Variants in UBE2W observed in about 807,000 individuals in gnomAD.
UBE2W encodes ubiquitin-conjugating enzyme E2 W.
Under a neutral mutation model 27.2 loss-of-function variants are expected in UBE2W, and 18 were observed. The observed-to-expected ratio is 0.66, with a 90% CI of 0.46 to 0.98. The LOEUF is 0.98. Ranked by LOEUF, UBE2W falls within the 50% of genes least tolerant of loss-of-function variation. The probability of loss-of-function intolerance (pLI) is 0.00; values close to 1 mark genes in which losing one functional copy is unlikely to be tolerated. For synonymous variants in UBE2W, 53 were observed against 57.2 expected, an observed-to-expected ratio of 0.93 and a Z score of 0.33; for missense variants, 90 against 180.2, an observed-to-expected ratio of 0.50 and a Z score of 2.87.
chr8:73,844,220 C>T lies in UBE2W; in HGVS notation c.16-13748G>A, dbSNP rs185413139. On this transcript the variant is annotated intron_variant, in intron 1 of 5. Coordinates refer to ENST00000602593, the MANE Select transcript of UBE2W (RefSeq NM_018299.6). ...CCAAGCCAAGGCTGGACTGTACTGCCGCCATCTCAACTCACTGCAACCTCC... is the reference window on the plus strand; with the variant it reads ...CCAAGCCAAGGCTGGACTGTACTGCTGCCATCTCAACTCACTGCAACCTCC... Among the ~76,000 whole-genome samples, 700 of 122,462 alleles carry T rather than the reference C, an allele frequency of 5.7e-3. 9 individuals are homozygous for T. The highest frequency in any genetic ancestry group is 9.0e-3 in the Admixed American group (80 of 8,914). The allele number at this position is 122,462 out of a possible 152,430, so 80.3% of individuals were successfully genotyped here. A position where few individuals can be genotyped will look rare whatever the true frequency, so the allele number is the denominator to read the frequency against.
At chr8:73,795,663 G>T in intron 5 of UBE2W, 1 of 525,862 alleles carries the variant, frequency 1.9e-6, no homozygotes, top group South Asian at 8.2e-5. Flanking sequence ...CCATGATCCA[G>T]TAATTTCAAG....
At chr8:73,805,539 CAT>C (rs542318101) in intron 5 of UBE2W, 110 bp downstream of exon 5, 57 of 311,710 alleles carry the variant, frequency 1.8e-4, no homozygotes, top group African/African-American at 1.3e-3. Context: ...CTTCATATAA[CAT>C]AAATATAACA....
chr8:73,855,394 C>CTTTTTTTTTTTTTTTTTTT (rs66577299), intron 1 of UBE2W, among the ~76,000 whole-genome samples: 5 of 84,710 alleles, frequency 5.9e-5, no homozygotes, highest in East Asian at 3.7e-4. Flanking sequence ...ATTCTACTTT[C>CTTTTTTTTTTTTTTTTTTT]TTTTTTTTTT....
intron 1 of UBE2W, among the ~76,000 whole-genome samples, chr8:73,872,801 TATC>T (rs1425139294): frequency 1.3e-5 from 2 of 152,214 alleles, no homozygotes; most frequent in Admixed American, 6.5e-5. Flanking sequence ...TTACTTTATG[TATC>T]ATATTTTAAA....
chr8:73,796,788 T>C (rs982459430), intron 5 of UBE2W: 3 of 332,010 alleles, frequency 9.0e-6, no homozygotes, highest in Non-Finnish European at 8.6e-6. Flanking sequence ...TGGCCATAAC[T>C]AAGAAGCAAA....
Position 73,786,854 on chromosome 8 carries a change from G to A in UBE2W, c.*7248C>T, listed in dbSNP as rs955514628. 2.2e-5 allele frequency: 22 copies of A among 985,226 alleles called. No individual in the cohort carries two copies. The highest frequency in any genetic ancestry group is 1.2e-4 in the African/African-American group (7 of 57,208). The allele number at this position is 985,226 out of a possible 1,614,324, so 61.0% of individuals were successfully genotyped here. A position where few individuals can be genotyped will look rare whatever the true frequency, so the allele number is the denominator to read the frequency against. On this transcript the variant is annotated 3_prime_UTR_variant, in exon 6 of 6. Transcript: ENST00000602593. ...GTATCATTGCTTGATTAAGTTGGAT[G>A]GGAATGTCATTAAATTATAACAGGA...
intron 1 of UBE2W, among the ~76,000 whole-genome samples, chr8:73,858,070 CAA>C (rs1811378128): frequency 6.6e-6 from 1 of 151,700 alleles, no homozygotes; most frequent in African/African-American, 2.4e-5. Flanking sequence ...ACTAAAAATC[CAA>C]AAGTTAGGCA....
At chr8:73,856,969 A>C (rs947551365) in intron 1 of UBE2W, among the ~76,000 whole-genome samples, 1 of 152,204 alleles carries the variant, frequency 6.6e-6, no homozygotes, top group Admixed American at 6.5e-5. Flanking sequence ...GGCCTCCCAA[A>C]GTGCTGAGAT....
chr8:73,862,097 T>C (rs191876344), intron 1 of UBE2W, among the ~76,000 whole-genome samples: 394 of 152,302 alleles, frequency 2.6e-3, no homozygotes, highest in African/African-American at 8.6e-3. Flanking sequence ...AATTCCTGCA[T>C]TGTAGTGAAG....
At position 73,791,713 on chromosome 8, in the gene UBE2W, T is replaced by G. The variant is rs1808210034; in HGVS notation, c.*2389A>C. On this transcript the variant is annotated 3_prime_UTR_variant, in exon 6 of 6. Coordinates refer to ENST00000602593, the MANE Select transcript of UBE2W (RefSeq NM_018299.6). ...ATTCCTAAATTCAAGAGAGTGTTGT[T>G]AGCCTGATTATGAATTTTAAATGTC... 1 of 985,048 alleles carries G rather than the reference T, an allele frequency of 1.0e-6. No homozygotes were observed. Among genetic ancestry groups the G allele is most frequent in the Non-Finnish European group, 1.2e-6 (1 of 829,746 alleles). The allele number at this position is 985,048 out of a possible 1,614,324, so 61.0% of individuals were successfully genotyped here. A position where few individuals can be genotyped will look rare whatever the true frequency, so the allele number is the denominator to read the frequency against.
chr8:73,787,602 AG>A lies in UBE2W; in HGVS notation c.*6499del. ...GGGGCAAGCAGATCCCCTGCAGAAAAGCTTAGAATTACCAGCAGAGCATATT... is the reference window on the plus strand; with the variant it reads ...GGGGCAAGCAGATCCCCTGCAGAAAACTTAGAATTACCAGCAGAGCATATT... On this transcript the variant is annotated 3_prime_UTR_variant, in exon 6 of 6. Coordinates refer to ENST00000602593, the MANE Select transcript of UBE2W (RefSeq NM_018299.6). The A allele has an allele frequency of 1.0e-6, 1 of 985,392 alleles. No homozygotes were observed. The highest frequency in any genetic ancestry group is 1.2e-6 in the Non-Finnish European group (1 of 829,902). 61.0% of individuals were successfully genotyped at this position (985,392 alleles called of 1,614,324 possible). A position where few individuals can be genotyped will look rare whatever the true frequency, so the allele number is the denominator to read the frequency against.
chr8:73,813,746 G>A (rs887034777), intron 3 of UBE2W, among the ~76,000 whole-genome samples: 4 of 138,858 alleles, frequency 2.9e-5, no homozygotes, highest in African/African-American at 1.3e-4. Context: ...AGTTTCCACA[G>A]ATGGTTTTTT....
chr8:73,820,834 C>A (rs574069470), intron 3 of UBE2W, among the ~76,000 whole-genome samples: 1 of 152,004 alleles, frequency 6.6e-6, no homozygotes, highest in Non-Finnish European at 1.5e-5. Flanking sequence ...GGCTGTAGTC[C>A]CTGCTACTCT....
chr8:73,785,385 C>T (rs1374834647), downstream of UBE2W, among the ~76,000 whole-genome samples: 3 of 151,766 alleles, frequency 2.0e-5, no homozygotes, highest in Non-Finnish European at 4.4e-5. Context: ...CTCACTGATC[C>T]GCCTGCCTTG....
intron 1 of UBE2W, among the ~76,000 whole-genome samples, chr8:73,832,929 C>T (rs113227546): frequency 0.031 from 4,731 of 152,176 alleles, 227 homozygotes; most frequent in African/African-American, 0.1. Context: ...GTGGCTCACG[C>T]CTGTAATCCC....
chr8:73,792,816 T>C lies in UBE2W; in HGVS notation c.*1286A>G, dbSNP rs1586436157. ...TTTTTTTTTTCTATAGAAAGTTTCA[T>C]CTAGCTGTAAGCAAAGTCTTTTCAA... On this transcript the variant is annotated 3_prime_UTR_variant, in exon 6 of 6. Transcript: ENST00000602593. The C allele has an allele frequency of 2.0e-6, 2 of 985,512 alleles. No homozygotes were observed. Among genetic ancestry groups the C allele is most frequent in the East Asian group, 1.1e-4 (1 of 8,820 alleles). The allele number at this position is 985,512 out of a possible 1,614,324, so 61.0% of individuals were successfully genotyped here.
chr8:73,793,335 A>G lies in UBE2W; in HGVS notation c.*767T>C, dbSNP rs1808280621. ...TACTTCCAAAATAAAGCCTTGATTA[A>G]ACCATTCATACCCTATATTACTCAT... On this transcript the variant is annotated 3_prime_UTR_variant, in exon 6 of 6. Coordinates refer to ENST00000602593, the MANE Select transcript of UBE2W (RefSeq NM_018299.6). 2 of 985,722 alleles carry G rather than the reference A, an allele frequency of 2.0e-6. No individual in the cohort carries two copies. The highest frequency in any genetic ancestry group is 1.2e-6 in the Non-Finnish European group (1 of 829,916). The allele number at this position is 985,722 out of a possible 1,614,324, so 61.1% of individuals were successfully genotyped here. A position where few individuals can be genotyped will look rare whatever the true frequency, so the allele number is the denominator to read the frequency against.
intron 3 of UBE2W, 72 bp from the exon 4 acceptor site, chr8:73,810,701 TAACA>T: frequency 8.1e-7 from 1 of 1,230,392 alleles, no homozygotes; most frequent in Non-Finnish European, 1.1e-6. Context: ...TCTCCACATA[TAACA>T]AATATTGATT....
At position 73,827,442 on chromosome 8, in the gene UBE2W, G is replaced by A. The variant is rs556803374; in HGVS notation, c.108-2193C>T. Among the ~76,000 whole-genome samples, 17 of 152,164 alleles carry A rather than the reference G, an allele frequency of 1.1e-4. No homozygotes were observed. The South Asian group carries it at 2.1e-3, about 19-fold the overall frequency. ...TTTTTCAGGCTGGTCTCGAACTCCC[G>A]AACTCGGGTGATCTGCCCGCCTCGG... On this transcript the variant is annotated intron_variant, in intron 2 of 5. Coordinates refer to ENST00000602593, the MANE Select transcript of UBE2W (RefSeq NM_018299.6).
Sources: allele counts gnomAD v4.1 joint callset (sites outside exome capture counted in the v4.1 genomes callset), GRCh38; gene constraint gnomAD v4.1.1; transcripts MANE v1.5; gene names NCBI Gene and HGNC (gene_info 2026-07-23, HGNC 2026-07-21).